The following ASIC2 variants were observed in gnomAD, a reference collection of about 807,000 sequenced individuals.
ASIC2 encodes the protein acid-sensing ion channel 2.
A neutral mutation model predicts 57.3 loss-of-function variants in ASIC2; 25 were observed. The observed-to-expected ratio is 0.44, with a 90% CI of 0.32 to 0.61. ASIC2 has a LOEUF of 0.61. Ranked by LOEUF, ASIC2 falls within the 20% of genes least tolerant of loss-of-function variation. The pLI, the probability that ASIC2 is intolerant of heterozygous loss-of-function variation, is 0.06. For synonymous variants in ASIC2, 319 were observed against 307.5 expected, an observed-to-expected ratio of 1.04 and a Z score of -0.39; for missense variants, 641 against 738.1, an observed-to-expected ratio of 0.87 and a Z score of 1.52.
At chr17:33,477,543 G>C (rs1192085819) in intron 1 of ASIC2, among the ~76,000 whole-genome samples, 3 of 152,180 alleles carry the variant, frequency 2.0e-5, no homozygotes, top group Non-Finnish European at 4.4e-5. Flanking sequence ...TCTGTAGTCT[G>C]TGCTTTAAAT....
intron 1 of ASIC2, 48 bp downstream of exon 1, chr17:33,291,360 C>A: frequency 6.5e-7 from 1 of 1,549,324 alleles, no homozygotes; most frequent in South Asian, 1.2e-5. Flanking sequence ...TCCTGACTGC[C>A]GGGGAGTGGG....
chr17:33,741,586 T>C (rs1040236272), intron 1 of ASIC2, among the ~76,000 whole-genome samples: 2 of 151,866 alleles, frequency 1.3e-5, no homozygotes, highest in Non-Finnish European at 2.9e-5. Context: ...TGATGAAGAG[T>C]CTCCTGGACC....
At chr17:33,306,649 G>C (rs1453321734) in intron 1 of ASIC2, among the ~76,000 whole-genome samples, 5 of 152,044 alleles carry the variant, frequency 3.3e-5, no homozygotes, top group Admixed American at 6.6e-5. Flanking sequence ...CTACTACCTT[G>C]GTTCAGCTCT....
At chr17:33,096,619 G>C (rs2092180831) in intron 2 of ASIC2, among the ~76,000 whole-genome samples, 1 of 152,176 alleles carries the variant, frequency 6.6e-6, no homozygotes, top group African/African-American at 2.4e-5. Context: ...TCTGATGGGG[G>C]AGGTGGACGA....
At chr17:33,452,561 A>G (rs1912289316) in intron 1 of ASIC2, among the ~76,000 whole-genome samples, 1 of 152,108 alleles carries the variant, frequency 6.6e-6, no homozygotes. Flanking sequence ...ACTGTTTCTC[A>G]TGTGCTTCCT....
At chr17:33,312,879 T>G (rs1473192702) in intron 1 of ASIC2, among the ~76,000 whole-genome samples, 1 of 152,112 alleles carries the variant, frequency 6.6e-6, no homozygotes, top group Non-Finnish European at 1.5e-5. Context: ...GAGGTTGCAG[T>G]GAGCTGAGAT....
rs575907760 is a variant in ASIC2, at chr17:33,621,600, A to G, written c.556-509533T>C. Among the ~76,000 whole-genome samples the G allele has an allele frequency of 5.9e-5, 9 of 152,334 alleles. 1 individual carries two copies. In the South Asian group the frequency reaches 1.9e-3, roughly 32 times the overall value. ...AAGCGTAAGCTTAGCAAGTTAACACAGGTAGCACTGGAGCCACAGAGCTGA... is the reference window on the plus strand; with the variant it reads ...AAGCGTAAGCTTAGCAAGTTAACACGGGTAGCACTGGAGCCACAGAGCTGA... On this transcript the variant is annotated intron_variant, in intron 1 of 9. Transcript: ENST00000359872.
rs1323281954 is a variant in ASIC2 at position 33,167,823 on chromosome 17, A to C, written c.709-55756T>G. Among the ~76,000 whole-genome samples, 6 of 151,008 alleles carry C rather than the reference A, an allele frequency of 4.0e-5. No individual in the cohort carries two copies. In the South Asian group the frequency reaches 1.3e-3, roughly 32 times the overall value. On this transcript the variant is annotated intron_variant, in intron 1 of 9. Coordinates refer to ENST00000225823, the MANE Select transcript of ASIC2 (RefSeq NM_183377.2). Reference sequence around the variant, plus strand: ...GCCTCTATTTGCTTAAGGCCAACCCATCCTTTGGGGCCTTTCAAATACCAT... The same window carrying C: ...GCCTCTATTTGCTTAAGGCCAACCCCTCCTTTGGGGCCTTTCAAATACCAT...
chr17:33,045,400 C>G (rs1181079278), intron 3 of ASIC2, among the ~76,000 whole-genome samples: 1 of 152,154 alleles, frequency 6.6e-6, no homozygotes, highest in Non-Finnish European at 1.5e-5. Context: ...GAAGCATGTT[C>G]CCAGCAAATT....
intron 1 of ASIC2, among the ~76,000 whole-genome samples, chr17:33,785,075 G>A (rs924186295): frequency 6.6e-6 from 1 of 152,076 alleles, no homozygotes; most frequent in Non-Finnish European, 1.5e-5. Context: ...TATATTTGGA[G>A]ATAGGGTCTT....
intron 1 of ASIC2, among the ~76,000 whole-genome samples, chr17:33,392,880 G>C (rs1909951656): frequency 6.6e-6 from 1 of 152,198 alleles, no homozygotes; most frequent in African/African-American, 2.4e-5. Flanking sequence ...TGTCCTGGCA[G>C]CAGACACATG....
chr17:33,886,077 TAACA>T (rs1477685671), intron 1 of ASIC2, among the ~76,000 whole-genome samples: 1 of 152,182 alleles, frequency 6.6e-6, no homozygotes, highest in Non-Finnish European at 1.5e-5. Flanking sequence ...TATGTTGCAG[TAACA>T]AACAATCCCA....
intron 1 of ASIC2, among the ~76,000 whole-genome samples, chr17:34,009,416 T>A (rs1216814036): frequency 6.6e-6 from 1 of 152,230 alleles, no homozygotes; most frequent in Admixed American, 6.5e-5. Flanking sequence ...AAAATACTTA[T>A]CAGAGTCCTG....
At chr17:33,338,483 G>A (rs1329453052) in intron 1 of ASIC2, among the ~76,000 whole-genome samples, 1 of 152,150 alleles carries the variant, frequency 6.6e-6, no homozygotes, top group African/African-American at 2.4e-5. Context: ...AAGAAATGAG[G>A]AGAAGGTAAT....
At chr17:33,157,400 T>C (rs1428918140) in intron 1 of ASIC2, among the ~76,000 whole-genome samples, 1 of 152,226 alleles carries the variant, frequency 6.6e-6, no homozygotes, top group Non-Finnish European at 1.5e-5. Flanking sequence ...TGAGGTTAAG[T>C]AACTATGTAT....
chr17:34,087,106 T>C (rs578131004), intron 1 of ASIC2, among the ~76,000 whole-genome samples: 20 of 152,240 alleles, frequency 1.3e-4, no homozygotes, highest in Admixed American at 3.9e-4. Context: ...TTATTTTGCT[T>C]GTTAGTTGAT....
rs150073754 is a variant in ASIC2 at position 33,702,401 on chromosome 17, C to T, written c.555+453577G>A. Among the ~76,000 whole-genome samples, 968 of 152,180 alleles carry T rather than the reference C, an allele frequency of 6.4e-3. 3 individuals are homozygous for T. The highest frequency in any genetic ancestry group is 9.6e-3 in the Non-Finnish European group (653 of 68,002). On this transcript the variant is annotated intron_variant, in intron 1 of 9. Transcript: ENST00000359872. The stretch of plus-strand genomic sequence containing the variant: ...CCTGTGGAGGAAGAAAGGATGAAAA[C>T]GTGAAATCTCTTAATCCTCAGCTAG...
intron 2 of ASIC2, among the ~76,000 whole-genome samples, chr17:33,095,860 A>G (rs991886049): frequency 3.9e-5 from 6 of 152,352 alleles, no homozygotes; most frequent in Middle Eastern, 3.4e-3. Context: ...CTGTTCATTA[A>G]GGCCCATCCT....
intron 1 of ASIC2, among the ~76,000 whole-genome samples, chr17:33,463,639 G>A (rs1000474331): frequency 1.3e-5 from 2 of 151,994 alleles, no homozygotes; most frequent in African/African-American, 2.4e-5. Context: ...GACCAAAAAG[G>A]AAACAACTGC....
Sources: gnomAD v4.1 joint callset for allele counts (sites outside exome capture counted in the v4.1 genomes callset) on GRCh38, gnomAD v4.1.1 for gene constraint, MANE v1.5 for transcripts, NCBI Gene and HGNC (gene_info 2026-07-23, HGNC 2026-07-21) for gene names.